ZDHHC14: variants seen among roughly 807,000 people sequenced by gnomAD.
ZDHHC14 encodes the protein zDHHC palmitoyltransferase 14, also known as palmitoyltransferase ZDHHC14.
In ZDHHC14, 16 loss-of-function variants were observed where a neutral mutation model predicts 47.7. The ratio of observed to expected loss-of-function variants is 0.34; its 90% CI spans 0.23 to 0.51. The LOEUF is 0.51. ZDHHC14 is among the 20% of genes least tolerant of loss of function. The probability of loss-of-function intolerance (pLI) is 0.97; values close to 1 mark genes in which losing one functional copy is unlikely to be tolerated. For synonymous variants in ZDHHC14, 293 were observed against 278.9 expected, an observed-to-expected ratio of 1.05 and a Z score of -0.50; for missense variants, 515 against 662.5, an observed-to-expected ratio of 0.78 and a Z score of 2.44.
chr6:157,387,358 T>C (rs1420531266), intron 1 of ZDHHC14, among the ~76,000 whole-genome samples: 1 of 152,184 alleles, frequency 6.6e-6, no homozygotes, highest in Non-Finnish European at 1.5e-5. Context: ...CTGTTATAGA[T>C]GGGTAACTTA....
rs565620306 is a variant in ZDHHC14, at chr6:157,568,050, C to T, written c.407-24938C>T. On this transcript the variant is annotated intron_variant, in intron 2 of 8. Transcript: ENST00000359775. ...AACATTTTACTCACTTATAACCAGC[C>T]TTTAGGGGAAATAGAGGGGACATCT... Among the ~76,000 whole-genome samples, 6 of 152,212 alleles carry T rather than the reference C, an allele frequency of 3.9e-5. No individual in the cohort carries two copies. The East Asian group carries it at 1.2e-3, about 29-fold the overall frequency.
intron 7 of ZDHHC14, 36 bp downstream of exon 7, chr6:157,647,404 C>T (rs371843131): frequency 7.8e-5 from 121 of 1,547,580 alleles, no homozygotes; most frequent in Non-Finnish European, 1.1e-4. Flanking sequence ...TTCAACAGAC[C>T]TTGGAAAACC....
chr6:157,445,371 A>T (rs1426591283), intron 1 of ZDHHC14, among the ~76,000 whole-genome samples: 1 of 152,172 alleles, frequency 6.6e-6, no homozygotes, highest in Non-Finnish European at 1.5e-5. Flanking sequence ...CAAAGCCAAG[A>T]TGCGCCAGAA....
intron 1 of ZDHHC14, among the ~76,000 whole-genome samples, chr6:157,405,478 C>T (rs867945346): frequency 1.3e-5 from 2 of 152,102 alleles, no homozygotes; most frequent in African/African-American, 2.4e-5. Flanking sequence ...GTGATCCACC[C>T]GCCTTGGCCT....
chr6:157,640,950 C>T (rs1219886090), intron 5 of ZDHHC14, among the ~76,000 whole-genome samples: 1 of 152,208 alleles, frequency 6.6e-6, no homozygotes, highest in Non-Finnish European at 1.5e-5. Context: ...TTGAATACAT[C>T]CGTGTGCATC....
intron 2 of ZDHHC14, among the ~76,000 whole-genome samples, chr6:157,561,582 T>C (rs1385624494): frequency 1.3e-5 from 2 of 152,176 alleles, no homozygotes; most frequent in African/African-American, 4.8e-5. Context: ...CCTCAGTTTA[T>C]AATTAGGAAA....
At chr6:157,634,610 A>G (rs1034731757) in intron 5 of ZDHHC14, among the ~76,000 whole-genome samples, 16 of 152,352 alleles carry the variant, frequency 1.1e-4, no homozygotes, top group Non-Finnish European at 1.8e-4. Flanking sequence ...TGCTGGTCAC[A>G]TTAAGTTTTA....
intron 8 of ZDHHC14, among the ~76,000 whole-genome samples, chr6:157,661,740 C>T (rs1778351251): frequency 6.6e-6 from 1 of 152,216 alleles, no homozygotes; most frequent in Admixed American, 6.5e-5. Flanking sequence ...TGAGGTTCAC[C>T]TCCCTGGCCT....
chr6:157,516,637 C>T (rs1422577264), intron 1 of ZDHHC14, among the ~76,000 whole-genome samples: 3 of 152,164 alleles, frequency 2.0e-5, no homozygotes, highest in Non-Finnish European at 2.9e-5. Context: ...ATTTCTGTTT[C>T]ACCATTGCAG....
At position 157,512,595 on chromosome 6, in the gene ZDHHC14, C is replaced by G. The variant is rs143484429; in HGVS notation, c.246-29990C>G. On this transcript the variant is annotated intron_variant, in intron 1 of 8. Transcript: ENST00000359775. Reference sequence around the variant, plus strand: ...CAGTGGCTCACATCTGCAGTCCCAGCACTAAGGAAGGCAGATGTGGGAGGA... The same window carrying G: ...CAGTGGCTCACATCTGCAGTCCCAGGACTAAGGAAGGCAGATGTGGGAGGA... Among the ~76,000 whole-genome samples the G allele has an allele frequency of 1.6e-3, 238 of 152,242 alleles. 1 individual carries two copies. Among genetic ancestry groups the G allele is most frequent in the African/African-American group, 5.5e-3 (227 of 41,540 alleles).
At chr6:157,473,988 C>CTTTTTTT (rs34287258) in intron 1 of ZDHHC14, among the ~76,000 whole-genome samples, 5 of 118,604 alleles carry the variant, frequency 4.2e-5, no homozygotes, top group Admixed American at 9.1e-5. Context: ...ATTTTCTTTT[C>CTTTTTTT]TTTTTTTTTT....
At chr6:157,575,077 T>C (rs1336623838) in intron 2 of ZDHHC14, among the ~76,000 whole-genome samples, 1 of 152,138 alleles carries the variant, frequency 6.6e-6, no homozygotes, top group Admixed American at 6.5e-5. Context: ...TCAGGTGAGT[T>C]GGTGTTGCCA....
chr6:157,604,286 TAAAAA>T (rs201921035), intron 3 of ZDHHC14, among the ~76,000 whole-genome samples: 36,728 of 140,462 alleles, frequency 0.26, 4,782 homozygotes, highest in Admixed American at 0.37. Context: ...AAGCCTGTCT[TAAAAA>T]AAAAAAAAAA....
intron 1 of ZDHHC14, among the ~76,000 whole-genome samples, chr6:157,450,471 C>T (rs373041080): frequency 6.0e-5 from 9 of 149,264 alleles, no homozygotes; most frequent in African/African-American, 1.2e-4. Context: ...GCCGAGATCG[C>T]GCCACTGCAC....
At chr6:157,649,139 T>G (rs1777699082) in intron 7 of ZDHHC14, among the ~76,000 whole-genome samples, 1 of 152,218 alleles carries the variant, frequency 6.6e-6, no homozygotes, top group African/African-American at 2.4e-5. Context: ...AGGATGGTCC[T>G]ACCCTGAGAA....
intron 1 of ZDHHC14, among the ~76,000 whole-genome samples, chr6:157,432,259 G>A (rs558394550): frequency 6.6e-6 from 1 of 152,182 alleles, no homozygotes; most frequent in Non-Finnish European, 1.5e-5. Context: ...GCAAAAAGAG[G>A]AAAGAACCTT....
intron 1 of ZDHHC14, among the ~76,000 whole-genome samples, chr6:157,398,340 C>G (rs943696556): frequency 1.3e-5 from 2 of 152,142 alleles, no homozygotes; most frequent in Admixed American, 1.3e-4. Context: ...CTTCCACTGG[C>G]ATCATGTCAG....
intron 3 of ZDHHC14, among the ~76,000 whole-genome samples, chr6:157,608,183 G>A (rs1173090732): frequency 6.6e-6 from 1 of 152,244 alleles, no homozygotes; most frequent in African/African-American, 2.4e-5. Context: ...CATGCTGTAT[G>A]TGCTCAGGGG....
rs368463771 is a variant in ZDHHC14, at chr6:157,592,365, T to C, written c.407-623T>C. 9.1e-4 allele frequency among the ~76,000 whole-genome samples: 138 copies of C among 152,324 alleles called. 3 individuals carry two copies. In the South Asian group the frequency reaches 0.027, roughly 29 times the overall value. On this transcript the variant is annotated intron_variant, in intron 2 of 8. Transcript: ENST00000359775. ...ATATACATTTAATGATTTTTTAAAA[T>C]GTATTTTTTACAATCTGGTTTCTCC...
Sources: gnomAD v4.1 joint callset for allele counts (sites outside exome capture counted in the v4.1 genomes callset) on GRCh38, gnomAD v4.1.1 for gene constraint, MANE v1.5 for transcripts, NCBI Gene and HGNC (gene_info 2026-07-23, HGNC 2026-07-21) for gene names.